The following WSB1 variants were observed in gnomAD, a reference collection of about 807,000 sequenced individuals.
WSB1 encodes WD repeat and SOCS box-containing protein 1.
Under a neutral mutation model 50.2 loss-of-function variants are expected in WSB1, and 23 were observed. The observed-to-expected ratio is 0.46, with a 90% CI of 0.33 to 0.65. The LOEUF (loss-of-function observed/expected upper bound fraction) is 0.65, where lower values mean the gene tolerates loss of function less well. WSB1 is among the 30% of genes least tolerant of loss of function. WSB1 has a pLI of 0.02. For missense variants in WSB1, 492 were observed against 522.3 expected (o/e 0.94, Z 0.56); for synonymous variants, 179 against 172.0 (o/e 1.04, Z -0.32).
At chr17:27,307,060 C>A in intron 5 of WSB1, 178 bp downstream of exon 5, 1 of 614,732 alleles carries the variant, frequency 1.6e-6, no homozygotes. Context: ...TATTGATTGC[C>A]AAGTGAGAAG....
In WSB1 at chr17:27,312,541, TAGA is replaced by T; in HGVS notation, c.*175_*177del. On this transcript the variant is annotated 3_prime_UTR_variant, in exon 9 of 9. Transcript: ENST00000262394. ...CTTTTAAAATATTATTTATAGACAA[TAGA>T]AGTATTTCTGAACATATCAAATATA... 9.8e-6 allele frequency: 8 copies of T among 818,720 alleles called. No individual in the cohort carries two copies. In the South Asian group the frequency reaches 1.6e-4, roughly 17 times the overall value. 50.7% of individuals were successfully genotyped at this position (818,720 alleles called of 1,614,324 possible).
At chr17:27,312,136 A>G in intron 8 of WSB1, 74 bp from the exon 9 acceptor site, 1 of 1,531,704 alleles carries the variant, frequency 6.5e-7, no homozygotes, top group Non-Finnish European at 8.8e-7. Flanking sequence ...GTATTGGGTG[A>G]TAGTTGTTTG....
intron 6 of WSB1, among the ~76,000 whole-genome samples, 158 bp from the exon 7 acceptor site, chr17:27,309,903 G>A (rs1212762041): frequency 1.3e-5 from 2 of 152,140 alleles, no homozygotes; most frequent in Non-Finnish European, 2.9e-5. Flanking sequence ...TTCTTTTCAG[G>A]TGACTTTAAT....
chr17:27,306,107 A>G (rs1474245949), intron 4 of WSB1, among the ~76,000 whole-genome samples: 4 of 152,080 alleles, frequency 2.6e-5, no homozygotes, highest in Non-Finnish European at 5.9e-5. Context: ...GAAGAATGAA[A>G]AGGCATTTTG....
intron 1 of WSB1, among the ~76,000 whole-genome samples, chr17:27,295,622 A>G (rs1052723175): frequency 6.6e-6 from 1 of 152,150 alleles, no homozygotes; most frequent in African/African-American, 2.4e-5. Flanking sequence ...AGAACACAGA[A>G]TTTGTGTCCA....
chr17:27,315,840 G>T lies in WSB1; in HGVS notation c.*3471G>T, dbSNP rs1426549636. The T allele has an allele frequency of 1.3e-5, 2 of 152,252 alleles. No homozygotes were observed. 9.4% of individuals were successfully genotyped at this position (152,252 alleles called of 1,614,324 possible). On this transcript the variant is annotated 3_prime_UTR_variant, in exon 9 of 9. Coordinates refer to ENST00000262394, the MANE Select transcript of WSB1 (RefSeq NM_015626.10). Reference sequence around the variant, plus strand: ...AAGCATAGAAAAAGCATAAGTTGGAGTATACTGGGTTTTTTTGTTGTTGTT... The same window carrying T: ...AAGCATAGAAAAAGCATAAGTTGGATTATACTGGGTTTTTTTGTTGTTGTT...
At chr17:27,308,684 C>T in intron 5 of WSB1, 2 of 986,466 alleles carry the variant, frequency 2.0e-6, no homozygotes, top group Middle Eastern at 5.2e-4. Context: ...ATTTGTTAAC[C>T]TTACGTTTTC....
At chr17:27,307,901 G>A in intron 5 of WSB1, 1 of 1,436,550 alleles carries the variant, frequency 7.0e-7, no homozygotes, top group African/African-American at 1.4e-5. Context: ...CGGCTGCAAG[G>A]TGTACTGTAC....
intron 4 of WSB1, among the ~76,000 whole-genome samples, chr17:27,305,990 A>G (rs1199727043): frequency 6.6e-6 from 1 of 152,112 alleles, no homozygotes; most frequent in Non-Finnish European, 1.5e-5. Flanking sequence ...ATGCGTAGGC[A>G]CTCAGTAAGT....
intron 3 of WSB1, 163 bp downstream of exon 3, chr17:27,303,798 A>G (rs2017334527): frequency 1.2e-6 from 1 of 824,490 alleles, no homozygotes; most frequent in South Asian, 1.9e-5. Flanking sequence ...TCTTCAGCTC[A>G]TGATTTTAAT....
At chr17:27,304,946 G>T (rs1212873533) in intron 4 of WSB1, 35 bp downstream of exon 4, 2 of 1,611,652 alleles carry the variant, frequency 1.2e-6, no homozygotes, top group Non-Finnish European at 1.7e-6. Flanking sequence ...ACTAGGATTT[G>T]TTTCTTGATA....
At chr17:27,301,712 C>T in intron 1 of WSB1, 76 bp from the exon 2 acceptor site, 1 of 1,513,820 alleles carries the variant, frequency 6.6e-7, no homozygotes, top group Non-Finnish European at 9.1e-7. Context: ...AAACTCAATC[C>T]CAAAGTAATA....
intron 6 of WSB1, among the ~76,000 whole-genome samples, chr17:27,309,692 C>T (rs548843872): frequency 3.9e-5 from 6 of 152,124 alleles, no homozygotes; most frequent in African/African-American, 1.2e-4. Context: ...AAGCAGTTCT[C>T]CTGCCTCAGC....
chr17:27,296,124 C>T (rs1471697930), intron 1 of WSB1, among the ~76,000 whole-genome samples: 2 of 152,126 alleles, frequency 1.3e-5, no homozygotes, highest in Admixed American at 6.5e-5. Context: ...TGAGCCACCC[C>T]GCCCAGATTT....
chr17:27,312,244 C>T lies in WSB1; in HGVS notation c.1141C>T (p.Pro381Ser). Reference sequence around the variant, plus strand: ...CGGAAGTGTGTATTTTTGGGCCACTCCACGGCAGGTCCCTAGCCTGCAACA... The same window carrying T: ...CGGAAGTGTGTATTTTTGGGCCACTTCACGGCAGGTCCCTAGCCTGCAACA... Reference protein sequence around the residue: ...HDGSVYFWATPRQVPSLQHLC... With the variant: ...HDGSVYFWATSRQVPSLQHLC... The change falls in exon 9 of 9, where the codon CCA becomes TCA. Residue 381 changes from proline to serine, a missense_variant. Pro to Ser is a moderately conservative substitution (Grantham distance 74). Transcript: ENST00000262394. The T allele has an allele frequency of 5.0e-6, 8 of 1,613,652 alleles. No homozygotes were observed. Among genetic ancestry groups the T allele is most frequent in the Non-Finnish European group, 6.8e-6 (8 of 1,179,946 alleles).
chr17:27,294,967 T>A (rs1360390744), intron 1 of WSB1, among the ~76,000 whole-genome samples: 2 of 152,118 alleles, frequency 1.3e-5, no homozygotes, highest in African/African-American at 4.8e-5. Context: ...GGAGGAGACT[T>A]TTAGAATTAT....
chr17:27,309,838 C>T, intron 6 of WSB1, among the ~76,000 whole-genome samples: 1 of 152,188 alleles, frequency 6.6e-6, no homozygotes, highest in East Asian at 1.9e-4. Flanking sequence ...GCCTTAACCT[C>T]CCAAAGTGCT....
chr17:27,294,424 A>T lies in WSB1; in HGVS notation c.29A>T (p.Glu10Val). Residue 10 changes from glutamate (E) to valine (V), a missense_variant, in exon 1 of 9, where the codon GAG becomes GTG. Glu to Val is a moderately radical substitution (Grantham distance 121). Transcript: ENST00000262394. The part of the protein sequence containing the change: MASFPPRVN[E>V]KEIVRLRTIG... ...GCCAGCTTTCCCCCGAGGGTCAACG[A>T]GAAAGAGATCGGTGAGGATTGGGAC... is the stretch of plus-strand genomic sequence containing the variant. 1.2e-6 allele frequency: 2 copies of T among 1,613,782 alleles called. No individual in the cohort carries two copies. Among genetic ancestry groups the T allele is most frequent in the Non-Finnish European group, 1.7e-6 (2 of 1,179,792 alleles).
At position 27,313,675 on chromosome 17, in the gene WSB1, TTC is replaced by T. The variant is rs1259617209; in HGVS notation, c.*1312_*1313del. On this transcript the variant is annotated 3_prime_UTR_variant, in exon 9 of 9. Coordinates refer to ENST00000262394, the MANE Select transcript of WSB1 (RefSeq NM_015626.10). Reference sequence around the variant, plus strand: ...TCTTAAATAGGTTAGGTGGAGTACTTTCTCTCTGTCTCCATTGTAAGGTTGAT... The same window carrying T: ...TCTTAAATAGGTTAGGTGGAGTACTTTCTCTGTCTCCATTGTAAGGTTGAT... 6 of 152,044 alleles carry T rather than the reference TTC, an allele frequency of 3.9e-5. No individual in the cohort carries two copies. The highest frequency in any genetic ancestry group is 1.2e-4 in the African/African-American group (5 of 41,362). The allele number at this position is 152,044 out of a possible 1,614,324, so 9.4% of individuals were successfully genotyped here.
Sources: gnomAD v4.1 joint callset for allele counts (sites outside exome capture counted in the v4.1 genomes callset) on GRCh38, gnomAD v4.1.1 for gene constraint, MANE v1.5 for transcripts, NCBI Gene and HGNC (gene_info 2026-07-23, HGNC 2026-07-21) for gene names.